Variants in PKN3 observed in about 807,000 individuals in gnomAD.
The protein encoded by PKN3 is protein kinase N3.
Under a neutral mutation model 113.1 loss-of-function variants are expected in PKN3, and 91 were observed. The observed-to-expected ratio is 0.80, with a 90% CI of 0.68 to 0.96. The LOEUF is 0.96. Among genes scored for constraint, PKN3 ranks in the 40% least tolerant of loss-of-function variants. PKN3 has a pLI of 0.00. For missense variants in PKN3, 1,052 were observed against 1,202.2 expected, an observed-to-expected ratio of 0.88 and a Z score of 1.85; for synonymous variants, 467 against 499.0, an observed-to-expected ratio of 0.94 and a Z score of 0.85.
chr9:128,714,638 C>A lies in PKN3; in HGVS notation c.1558C>A (p.Gln520Lys). The A allele has an allele frequency of 7.0e-7, 1 of 1,419,338 alleles. No homozygotes were observed. Among genetic ancestry groups the A allele is most frequent in the Non-Finnish European group, 1.0e-6 (1 of 1,002,778 alleles). 87.9% of individuals were successfully genotyped at this position (1,419,338 alleles called of 1,614,324 possible). The change falls in exon 12 of 22, where the codon CAG (glutamine) becomes AAG (lysine). Residue 520 changes from glutamine (Q) to lysine (K), a missense_variant. Physicochemically the swap from Gln to Lys is moderately conservative, Grantham distance 53. This residue lies in a region of PKN3 where 719 missense variants were observed against 759.4 expected (regional missense o/e 0.95). Transcript: ENST00000291906. ...CAAGCCCCCACGCCTCTACCTCCCC[C>A]AGGAGCCAACATCCGAGGAGACTCC... ...PPKPPRLYLP[Q>K]EPTSEETPRT...
chr9:128,710,866 A>G (rs917586386), intron 6 of PKN3, among the ~76,000 whole-genome samples: 3 of 152,182 alleles, frequency 2.0e-5, no homozygotes, highest in African/African-American at 4.8e-5. Context: ...GGCCAAGTAG[A>G]CAAGTTGAGG....
In PKN3 at chr9:128,715,819, A is replaced by G. The variant is rs996251980; in HGVS notation, c.1808+359A>G. On this transcript the variant is annotated intron_variant, in intron 15 of 21. Transcript: ENST00000291906. This position sits in a 1 kb window ranked among gnomAD's most constrained non-coding sequence, Gnocchi z 4.1. ...ACTTGAGTCCAGGAGTTCAAGACCA[A>G]TCTGAATCACATGGTGAAACCCCAT... 2.6e-5 allele frequency among the ~76,000 whole-genome samples: 4 copies of G among 151,368 alleles called. No individual in the cohort carries two copies. Among genetic ancestry groups the G allele is most frequent in the Admixed American group, 1.3e-4 (2 of 15,228 alleles).
At chr9:128,717,643 G>C (rs1235931451) in intron 16 of PKN3, among the ~76,000 whole-genome samples, 1 of 150,544 alleles carries the variant, frequency 6.6e-6, no homozygotes, top group Non-Finnish European at 1.5e-5. Flanking sequence ...CAGGAGAATC[G>C]CTTGAACCCA....
intron 1 of PKN3, chr9:128,703,335 G>A (rs917449612): frequency 5.1e-6 from 5 of 982,614 alleles, no homozygotes; most frequent in Non-Finnish European, 4.8e-6. Flanking sequence ...GGGGGGGTTA[G>A]AATGTGCGCG....
Position 128,702,732 on chromosome 9 carries a change from G to C in PKN3, c.-184G>C, listed in dbSNP as rs906449332. 1.2e-5 allele frequency: 6 copies of C among 511,788 alleles called. No homozygotes were observed. The highest frequency in any genetic ancestry group is 2.0e-5 in the Non-Finnish European group (6 of 296,206). The allele number at this position is 511,788 out of a possible 1,614,324, so 31.7% of individuals were successfully genotyped here. A position where few individuals can be genotyped will look rare whatever the true frequency, so the allele number is the denominator to read the frequency against. ...CTCGGGCGTGGGGTCCCGGGCGCTG[G>C]ATCGGCGCGGACGGGAGGCGGCGCT... is the stretch of plus-strand genomic sequence containing the variant. On this transcript the variant is annotated 5_prime_UTR_variant, in exon 1 of 22. Transcript: ENST00000291906.
chr9:128,703,270 G>T (rs1461812756), intron 1 of PKN3: 1 of 692,310 alleles, frequency 1.4e-6, no homozygotes, highest in Non-Finnish European at 1.8e-6. Flanking sequence ...CTCCTCGGTG[G>T]GGCTCCAAGG....
chr9:128,706,004 C>T, intron 3 of PKN3, 125 bp downstream of exon 3: 1 of 987,598 alleles, frequency 1.0e-6, no homozygotes, highest in Non-Finnish European at 1.5e-6. Context: ...AAAATACAGC[C>T]CCAAACCCCA....
chr9:128,719,782 ACTGGTGGGGG>A lies in PKN3; in HGVS notation c.2227_2236del (p.Trp743ValfsTer114). 2 of 1,597,704 alleles carry A rather than the reference ACTGGTGGGGG, an allele frequency of 1.3e-6. No homozygotes were observed. Among genetic ancestry groups the A allele is most frequent in the Non-Finnish European group, 1.7e-6 (2 of 1,171,068 alleles). ...CAGGAGGCATACACACGGGCTGTGG[ACTGGTGGGGG>A]CTGGGTGTGCTGCTCTACGAGATGC... is the stretch of plus-strand genomic sequence containing the variant. On this transcript the variant is annotated frameshift_variant, in exon 19 of 22. Transcript: ENST00000291906. LOFTEE classifies it high-confidence loss of function.
intron 1 of PKN3, 136 bp from the exon 2 acceptor site, chr9:128,705,167 A>T: frequency 9.1e-7 from 1 of 1,103,914 alleles, no homozygotes; most frequent in South Asian, 1.5e-5. Flanking sequence ...AAGGGGAGAG[A>T]GGCTTCCAAA....
intron 1 of PKN3, chr9:128,703,977 G>A: frequency 1.0e-6 from 1 of 985,480 alleles, no homozygotes; most frequent in Non-Finnish European, 1.2e-6. Flanking sequence ...CTCTGGCCCT[G>A]TGGCCTAGGG....
chr9:128,715,341 C>T lies in PKN3; in HGVS notation c.1717-28C>T, dbSNP rs762576661. 7 of 1,609,934 alleles carry T rather than the reference C, an allele frequency of 4.3e-6. No homozygotes were observed. The Middle Eastern group carries it at 5.0e-4, about 114-fold the overall frequency. ...GTAAAGGCTCCCTGGTCTGGCCCAC[C>T]TGGAGCACAACCTCTCTCTGGCCCC... is the stretch of plus-strand genomic sequence containing the variant. On this transcript the variant is annotated intron_variant, in intron 14 of 21. Coordinates refer to ENST00000291906, the MANE Select transcript of PKN3 (RefSeq NM_013355.5). The surrounding 1 kb of genome is among the most constrained non-coding windows in gnomAD (Gnocchi z 4.1).
rs755570705 is a variant in PKN3 at position 128,713,098 on chromosome 9, C to T, written c.882C>T (p.Ala294=). 1.1e-5 allele frequency: 17 copies of T among 1,612,062 alleles called. No homozygotes were observed. The highest frequency in any genetic ancestry group is 5.0e-5 in the Admixed American group (3 of 59,922). ...RLLGCEQLLT[A]VPGRSPAAAL... is the part of the protein sequence containing the mutation. Reference sequence around the variant, plus strand: ...TGGGCTGTGAACAGTTGCTGACAGCCGTGCCTGGGCGCTCCCCAGCGGCCG... The same window carrying T: ...TGGGCTGTGAACAGTTGCTGACAGCTGTGCCTGGGCGCTCCCCAGCGGCCG... The change falls in exon 7 of 22, where the codon GCC becomes GCT. Residue 294 remains alanine (A), a synonymous_variant. Transcript: ENST00000291906.
intron 8 of PKN3, 37 bp downstream of exon 8, chr9:128,713,424 G>A (rs1862240320): frequency 6.2e-7 from 1 of 1,612,734 alleles, no homozygotes; most frequent in African/African-American, 1.3e-5. Context: ...GGTGACCTTG[G>A]GCTGCGGGGT....
At chr9:128,719,151 C>T (rs1023634165) in intron 18 of PKN3, among the ~76,000 whole-genome samples, 6 of 151,236 alleles carry the variant, frequency 4.0e-5, no homozygotes, top group African/African-American at 1.2e-4. Context: ...CCACCTTGGC[C>T]GCCCAAAGTG....
At position 128,705,116 on chromosome 9, in the gene PKN3, G is replaced by A. The variant is rs74755599; in HGVS notation, c.25-187G>A. Among the ~76,000 whole-genome samples, 412 of 152,286 alleles carry A rather than the reference G, an allele frequency of 2.7e-3. 2 individuals are homozygous for A. The highest frequency in any genetic ancestry group is 9.4e-3 in the African/African-American group (390 of 41,566). On this transcript the variant is annotated intron_variant, in intron 1 of 21. Coordinates refer to ENST00000291906, the MANE Select transcript of PKN3 (RefSeq NM_013355.5). ...CGGAGGACAGGAGCCTGGCCTAGAT[G>A]AGTGGCCTCGGAGTTTCCATCTGGC...
At chr9:128,714,468 A>C (rs796736545) in intron 11 of PKN3, 94 bp from the exon 12 acceptor site, 1 of 1,154,900 alleles carries the variant, frequency 8.7e-7, no homozygotes, top group Non-Finnish European at 1.3e-6. Flanking sequence ...TCAGCCCGCT[A>C]ACCCTCTGTC....
At position 128,720,107 on chromosome 9, in the gene PKN3, T is replaced by A; in HGVS notation, c.2376+90T>A. ...GGGACAGCAGACCCCCTGCCACCCA[T>A]CCTTAGAGCGCTCTGGGCCAGCGTG... On this transcript the variant is annotated intron_variant, in intron 20 of 21. Coordinates refer to ENST00000291906, the MANE Select transcript of PKN3 (RefSeq NM_013355.5). This position sits in a 1 kb window ranked among gnomAD's most constrained non-coding sequence, Gnocchi z 5.5. 1.3e-6 allele frequency: 2 copies of A among 1,535,334 alleles called. No individual in the cohort carries two copies. The highest frequency in any genetic ancestry group is 1.8e-6 in the Non-Finnish European group (2 of 1,111,724).
At chr9:128,712,999 GT>G in intron 6 of PKN3, 52 bp from the exon 7 acceptor site, 1 of 1,541,628 alleles carries the variant, frequency 6.5e-7, no homozygotes, top group Non-Finnish European at 8.8e-7. Context: ...CACCTTGGTG[GT>G]AGCAGTGGGA....
chr9:128,717,117 C>CTGTTTTTTTTTTTTTTTTT (rs1862363052), intron 16 of PKN3, among the ~76,000 whole-genome samples, 194 bp downstream of exon 16: 1 of 24,364 alleles, frequency 4.1e-5, no homozygotes, highest in East Asian at 1.5e-3. Flanking sequence ...CATTAGGTTT[C>CTGTTTTTTTTTTTTTTTTT]TTTTTTTTTT....
Sources: allele counts gnomAD v4.1 joint callset (sites outside exome capture counted in the v4.1 genomes callset), GRCh38; gene constraint gnomAD v4.1.1; regional missense constraint gnomAD v4.1.1; non-coding constraint Gnocchi (gnomAD v3.1); transcripts MANE v1.5; gene names NCBI Gene and HGNC (gene_info 2026-07-23, HGNC 2026-07-21).